The following CPLANE1 variants were observed in gnomAD, a reference collection of about 807,000 sequenced individuals.
The protein encoded by CPLANE1 is ciliogenesis and planar polarity effector 1.
In CPLANE1, 263 loss-of-function variants were observed where a neutral mutation model predicts 362.5. That is an observed-to-expected ratio of 0.73 (90% CI 0.66 to 0.80). The LOEUF (loss-of-function observed/expected upper bound fraction) is 0.80, where lower values mean the gene tolerates loss of function less well. Ranked by LOEUF, CPLANE1 falls within the 30% of genes least tolerant of loss-of-function variation. The pLI, the probability that CPLANE1 is intolerant of heterozygous loss-of-function variation, is 0.00. For synonymous variants in CPLANE1, 1,212 were observed against 1,302.6 expected (o/e 0.93, Z 1.50); for missense variants, 3,461 against 3,793.4 (o/e 0.91, Z 2.30).
chr5:37,142,896 A>G (rs565260508), intron 43 of CPLANE1, among the ~76,000 whole-genome samples: 1 of 152,326 alleles, frequency 6.6e-6, no homozygotes, highest in South Asian at 2.1e-4. Flanking sequence ...GTACACTGCA[A>G]TGAGGGAAAA....
At chr5:37,141,463 A>G in intron 44 of CPLANE1, 1 of 984,174 alleles carries the variant, frequency 1.0e-6, no homozygotes, top group Non-Finnish European at 1.2e-6. Context: ...TTATCCCCAT[A>G]TGTTGATGAC....
Position 37,183,202 on chromosome 5 carries a change from A to G in CPLANE1, c.4979T>C (p.Phe1660Ser), listed in dbSNP as rs774071769. 6.2e-7 allele frequency: 1 copy of G among 1,611,236 alleles called. No homozygotes were observed. The highest frequency in any genetic ancestry group is 1.1e-5 in the South Asian group (1 of 90,642). The change falls in exon 26 of 53, where the codon TTT (phenylalanine) becomes TCT (serine). Residue 1660 changes from phenylalanine (F) to serine (S), a missense_variant. Physicochemically the swap from Phe to Ser is radical, Grantham distance 155. Coordinates refer to ENST00000651892, the MANE Select transcript of CPLANE1 (RefSeq NM_001384732.1). ...GACTTCATTCGAAGGATATTGTAAA[A>G]AAGGTTTGATCCCTTGATTAACCAG... Reference protein sequence around the residue: ...SVLVNQGIKPFLQYPSNEVNK... With the variant: ...SVLVNQGIKPSLQYPSNEVNK...
At chr5:37,245,382 C>T in intron 4 of CPLANE1, 97 bp downstream of exon 4, 1 of 803,778 alleles carries the variant, frequency 1.2e-6, no homozygotes, top group Non-Finnish European at 1.6e-6. Context: ...TGCACATACA[C>T]AGAAATACAT....
At chr5:37,134,693 T>C (rs1452183608) in intron 46 of CPLANE1, among the ~76,000 whole-genome samples, 1 of 152,196 alleles carries the variant, frequency 6.6e-6, no homozygotes, top group Non-Finnish European at 1.5e-5. Context: ...CTGGGGTTAA[T>C]TTGTTCTTGT....
chr5:37,182,686 T>C (rs969981204), intron 26 of CPLANE1, 74 bp downstream of exon 26: 3 of 886,162 alleles, frequency 3.4e-6, no homozygotes, highest in African/African-American at 3.4e-5. Context: ...CTTTAAAAGA[T>C]GGGAAATGTA....
intron 43 of CPLANE1, among the ~76,000 whole-genome samples, chr5:37,147,614 CTG>C (rs1772056648): frequency 2.6e-5 from 4 of 151,972 alleles, no homozygotes; most frequent in Non-Finnish European, 1.5e-5. Context: ...AAAAAGGAAA[CTG>C]AGAAACAAAG....
At chr5:37,108,523 T>C in intron 51 of CPLANE1, 52 bp from the exon 52 acceptor site, 1 of 1,497,552 alleles carries the variant, frequency 6.7e-7, no homozygotes, top group South Asian at 1.2e-5. Flanking sequence ...ATTCATTCAT[T>C]CATTCATTTG....
At chr5:37,085,266 G>A in the CPLANE1 span, 3 of 886,866 alleles carry the variant, frequency 3.4e-6, no homozygotes, top group East Asian at 2.4e-5. Context: ...GTTCATTAAG[G>A]TTGATGGCAA....
intron 20 of CPLANE1, among the ~76,000 whole-genome samples, chr5:37,197,675 T>C (rs1475888412): frequency 3.3e-5 from 5 of 152,192 alleles, no homozygotes; most frequent in South Asian, 2.1e-4. Context: ...AGGGTAGTAA[T>C]AGAAAACTAA....
chr5:37,085,358 C>G, the CPLANE1 span: 119 of 1,347,058 alleles, frequency 8.8e-5, 3 homozygotes, highest in Middle Eastern at 5.7e-3. Context: ...TCCATCTGAT[C>G]TATGACACCA....
intron 21 of CPLANE1, among the ~76,000 whole-genome samples, chr5:37,193,741 T>A (rs1412402232): frequency 6.6e-6 from 1 of 152,076 alleles, no homozygotes; most frequent in Non-Finnish European, 1.5e-5. Flanking sequence ...TTTTTGTTTT[T>A]GTTTTTGTTT....
At chr5:37,220,654 G>C (rs1250364250) in intron 15 of CPLANE1, among the ~76,000 whole-genome samples, 1 of 151,832 alleles carries the variant, frequency 6.6e-6, no homozygotes, top group Non-Finnish European at 1.5e-5. Flanking sequence ...CTCAGAGCTG[G>C]GCCTACAGGT....
intron 46 of CPLANE1, among the ~76,000 whole-genome samples, chr5:37,136,079 C>T (rs74489756): frequency 1.1e-4 from 16 of 152,266 alleles, no homozygotes; most frequent in African/African-American, 2.2e-4. Flanking sequence ...CAGTCCCCCA[C>T]GGTCTTAACT....
Position 37,187,060 on chromosome 5 carries a change from C to CAAAAA in CPLANE1, c.4080+349_4080+353dup, listed in dbSNP as rs61112118. 5.6e-4 allele frequency among the ~76,000 whole-genome samples: 28 copies of CAAAAA among 50,404 alleles called. 3 individuals are homozygous for CAAAAA. The highest frequency in any genetic ancestry group is 2.5e-3 in the African/African-American group (27 of 11,002). 33.1% of individuals were successfully genotyped at this position (50,404 alleles called of 152,430 possible). On this transcript the variant is annotated intron_variant, in intron 23 of 52. Transcript: ENST00000651892. ...TGGGTGACAGAGCGAGACTCCGTCTCAAAAAAAAAAAAAAAAAAAAAAAAA... is the reference window on the plus strand; with the variant it reads ...TGGGTGACAGAGCGAGACTCCGTCTCAAAAAAAAAAAAAAAAAAAAAAAAAAAAAA...
the CPLANE1 span, among the ~76,000 whole-genome samples, chr5:37,076,774 T>A: frequency 6.6e-6 from 1 of 150,990 alleles, no homozygotes; most frequent in African/African-American, 2.4e-5. Flanking sequence ...ATTTTCTCTA[T>A]TATTTTGCCT....
intron 1 of CPLANE1, among the ~76,000 whole-genome samples, chr5:37,248,806 T>C (rs568460031): frequency 6.6e-6 from 1 of 152,344 alleles, no homozygotes; most frequent in Non-Finnish European, 1.5e-5. Context: ...GCTAAAATTA[T>C]TGAGTGAAAA....
chr5:37,145,087 C>A (rs1409661273), intron 43 of CPLANE1, among the ~76,000 whole-genome samples: 1 of 152,084 alleles, frequency 6.6e-6, no homozygotes, highest in African/African-American at 2.4e-5. Context: ...AGGCAGATCA[C>A]AAGGTCAAGA....
chr5:37,232,973 G>A (rs907963103), intron 8 of CPLANE1, among the ~76,000 whole-genome samples: 6 of 151,982 alleles, frequency 3.9e-5, no homozygotes, highest in African/African-American at 1.4e-4. Flanking sequence ...AAGACTAAGA[G>A]TGGGAAAAGG....
chr5:37,225,171 G>C (rs552637850), intron 12 of CPLANE1, among the ~76,000 whole-genome samples: 2 of 151,774 alleles, frequency 1.3e-5, no homozygotes, highest in South Asian at 4.2e-4. Context: ...CTGGGTTCAA[G>C]CAATCCTCCC....
Sources: allele counts gnomAD v4.1 joint callset (sites outside exome capture counted in the v4.1 genomes callset), GRCh38; gene constraint gnomAD v4.1.1; transcripts MANE v1.5; gene names NCBI Gene and HGNC (gene_info 2026-07-23, HGNC 2026-07-21).